Variants in IFT80 observed in about 807,000 individuals in gnomAD.
The protein encoded by IFT80 is intraflagellar transport protein 80 homolog.
Under a neutral mutation model 107.9 loss-of-function variants are expected in IFT80, and 79 were observed. The ratio of observed to expected loss-of-function variants is 0.73; its 90% CI spans 0.61 to 0.88. IFT80 has a LOEUF of 0.88. Ranked by LOEUF, IFT80 falls within the 40% of genes least tolerant of loss-of-function variation. IFT80 has a pLI of 0.00. For missense variants in IFT80, 797 were observed against 914.2 expected (o/e 0.87, Z 1.65); for synonymous variants, 299 against 300.9 (o/e 0.99, Z 0.07).
At chr3:160,373,708 C>A in intron 5 of IFT80, 1 of 168,826 alleles carries the variant, frequency 5.9e-6, no homozygotes. Context: ...GATCATCAGG[C>A]ATTAGATTCT....
chr3:160,371,181 T>G (rs1376297731), intron 5 of IFT80, among the ~76,000 whole-genome samples: 1 of 152,186 alleles, frequency 6.6e-6, no homozygotes, highest in Non-Finnish European at 1.5e-5. Flanking sequence ...CTTTTAGGTC[T>G]CACGGTCTTC....
chr3:160,336,671 A>G (rs1719490534), intron 8 of IFT80, among the ~76,000 whole-genome samples: 1 of 152,118 alleles, frequency 6.6e-6, no homozygotes, highest in Non-Finnish European at 1.5e-5. Flanking sequence ...TTTCCTATAT[A>G]GCTATTGACA....
intron 9 of IFT80, among the ~76,000 whole-genome samples, chr3:160,313,536 A>C (rs1053745183): frequency 6.6e-6 from 1 of 152,126 alleles, no homozygotes; most frequent in African/African-American, 2.4e-5. Flanking sequence ...AAGAAAACTA[A>C]AGGCACTCTA....
intron 18 of IFT80, 104 bp from the exon 19 acceptor site, chr3:160,268,640 T>G: frequency 9.4e-7 from 1 of 1,066,046 alleles, no homozygotes; most frequent in East Asian, 2.4e-5. Context: ...TCCCTCTGTT[T>G]ATTCCACAAT....
At chr3:160,360,690 TG>T (rs1353450824) in intron 6 of IFT80, among the ~76,000 whole-genome samples, 1 of 152,158 alleles carries the variant, frequency 6.6e-6, no homozygotes, top group Non-Finnish European at 1.5e-5. Context: ...GAAGGGAGAT[TG>T]GGGGCCAATA....
chr3:160,291,287 C>A (rs1041727587), intron 12 of IFT80, among the ~76,000 whole-genome samples: 1 of 152,132 alleles, frequency 6.6e-6, no homozygotes, highest in African/African-American at 2.4e-5. Flanking sequence ...ATCTAATGTA[C>A]CCATAGTATC....
chr3:160,394,055 G>A (rs1157951531), intron 1 of IFT80: 5 of 152,244 alleles, frequency 3.3e-5, no homozygotes, highest in African/African-American at 1.2e-4. Flanking sequence ...GAAGAAAGGA[G>A]AAAGGCAAGC....
At position 160,383,378 on chromosome 3, in the gene IFT80, T is replaced by C. The variant is rs536440071; in HGVS notation, c.37+1186A>G. ...ACTATTTAAGGGGGAATAAAAATAATTACATCTTCACTTAATAGTTAAATA... is the reference window on the plus strand; with the variant it reads ...ACTATTTAAGGGGGAATAAAAATAACTACATCTTCACTTAATAGTTAAATA... On this transcript the variant is annotated intron_variant, in intron 2 of 19. Coordinates refer to ENST00000326448, the MANE Select transcript of IFT80 (RefSeq NM_020800.3). 18 of 784,772 alleles carry C rather than the reference T, an allele frequency of 2.3e-5. No homozygotes were observed. In the African/African-American group the frequency reaches 3.2e-4, roughly 14 times the overall value. 48.6% of individuals were successfully genotyped at this position (784,772 alleles called of 1,614,324 possible).
intron 1 of IFT80, among the ~76,000 whole-genome samples, chr3:160,389,721 A>ACATT (rs1713219719): frequency 6.6e-6 from 1 of 151,882 alleles, no homozygotes; most frequent in African/African-American, 2.4e-5. Context: ...TTCTTAATCC[A>ACATT]GTCTATCATT....
chr3:160,390,371 C>A (rs1329899283), intron 1 of IFT80, among the ~76,000 whole-genome samples: 1 of 150,018 alleles, frequency 6.7e-6, no homozygotes, highest in Non-Finnish European at 1.5e-5. Context: ...AAGCCGAGAT[C>A]GCACCATTGC....
chr3:160,344,868 A>G (rs920998595), intron 8 of IFT80, among the ~76,000 whole-genome samples: 9 of 152,218 alleles, frequency 5.9e-5, no homozygotes, highest in African/African-American at 1.4e-4. Context: ...AGCATCAGAG[A>G]AATGCAAATC....
chr3:160,292,719 G>A (rs897521285), intron 12 of IFT80, among the ~76,000 whole-genome samples: 13 of 152,016 alleles, frequency 8.6e-5, no homozygotes, highest in Admixed American at 6.6e-4. Context: ...CTTGTGATGC[G>A]CCCGCCTCGG....
intron 7 of IFT80, 142 bp downstream of exon 7, chr3:160,357,347 C>T (rs1235995105): frequency 3.5e-6 from 2 of 571,882 alleles, no homozygotes; most frequent in East Asian, 6.1e-5. Flanking sequence ...TTTAAAATAC[C>T]ACTTAACATT....
rs113876788 is a variant in IFT80 at position 160,344,106 on chromosome 3, G to C, written c.777+11907C>G. On this transcript the variant is annotated intron_variant, in intron 8 of 19. Coordinates refer to ENST00000326448, the MANE Select transcript of IFT80 (RefSeq NM_020800.3). The stretch of plus-strand genomic sequence containing the variant: ...CCCATTTTCCCATTTCTGATGAATG[G>C]GAATGGCATAACATTGTAATTTTTA... Among the ~76,000 whole-genome samples, 261 of 152,168 alleles carry C rather than the reference G, an allele frequency of 1.7e-3. 1 individual carries two copies. The highest frequency in any genetic ancestry group is 5.8e-3 in the African/African-American group (241 of 41,484).
At chr3:160,299,155 A>T in intron 12 of IFT80, 1 of 980,220 alleles carries the variant, frequency 1.0e-6, no homozygotes, top group African/African-American at 1.7e-5. Context: ...CACAATTTAT[A>T]GTTATCTTAA....
Position 160,381,658 on chromosome 3 carries a change from T to G in IFT80, c.104A>C (p.His35Pro), listed in dbSNP as rs760080127. ...AEELYSCSDD[H>P]QIVKWNLLTS... ...TAACAAGTTCCACTTCACTATCTGG[T>G]GATCATCACTACATGAATACAGCTC... Residue 35 changes from histidine to proline, a missense_variant, in exon 3 of 20, where the codon CAC becomes CCC. Transcript: ENST00000326448. The G allele has an allele frequency of 5.0e-6, 8 of 1,612,406 alleles. No individual in the cohort carries two copies. In the South Asian group the frequency reaches 8.8e-5, roughly 18 times the overall value.
chr3:160,280,120 T>C (rs1040295292), intron 15 of IFT80, among the ~76,000 whole-genome samples: 3 of 152,212 alleles, frequency 2.0e-5, no homozygotes, highest in Admixed American at 2.0e-4. Flanking sequence ...AGCCTTTGTA[T>C]TCCTATTTTG....
intron 10 of IFT80, among the ~76,000 whole-genome samples, chr3:160,306,636 C>T (rs932581528): frequency 6.6e-6 from 1 of 151,668 alleles, no homozygotes; most frequent in East Asian, 1.9e-4. Context: ...TATCTACTCG[C>T]CTCTGTTTCT....
intron 9 of IFT80, 23 bp downstream of exon 9, chr3:160,319,737 T>G: frequency 6.2e-7 from 1 of 1,601,218 alleles, no homozygotes; most frequent in Non-Finnish European, 8.6e-7. Context: ...GCAGGTTTAA[T>G]CAACCTTGGA....
Sources: gnomAD v4.1 joint callset for allele counts (sites outside exome capture counted in the v4.1 genomes callset) on GRCh38, gnomAD v4.1.1 for gene constraint, MANE v1.5 for transcripts, NCBI Gene and HGNC (gene_info 2026-07-23, HGNC 2026-07-21) for gene names.